CRCP: variants seen among roughly 807,000 people sequenced by gnomAD.
CRCP encodes DNA-directed RNA polymerase III subunit RPC9.
In CRCP, 18 loss-of-function variants were observed where a neutral mutation model predicts 18.5. That is an observed-to-expected ratio of 0.97 (90% CI 0.67 to 1.44). The LOEUF (loss-of-function observed/expected upper bound fraction) is 1.44. Ranked by LOEUF, CRCP falls within the 40% of genes most tolerant of loss-of-function variation. The pLI, the probability that CRCP is intolerant of heterozygous loss-of-function variation, is 0.00. For missense variants in CRCP, 130 were observed against 176.4 expected, an observed-to-expected ratio of 0.74 and a Z score of 1.49; for synonymous variants, 53 against 62.9, an observed-to-expected ratio of 0.84 and a Z score of 0.75.
In CRCP at chr7:66,152,246, G is replaced by T; in HGVS notation, c.336G>T (p.Gln112His). 3 of 1,614,152 alleles carry T rather than the reference G, an allele frequency of 1.9e-6. No individual in the cohort carries two copies. The highest frequency in any genetic ancestry group is 2.5e-6 in the Non-Finnish European group (3 of 1,180,038). The change falls in exon 6 of 6, where the codon CAG becomes CAT. Residue 112 changes from glutamine to histidine, a missense_variant. Physicochemically the swap from Gln to His is conservative, Grantham distance 24. Transcript: ENST00000395326. ...EESEERLTEE[Q>H]IEALLHTVTS... Reference sequence around the variant, plus strand: ...GTGAAGAGCGGCTCACGGAGGAGCAGATTGAAGCTCTTCTCCACACCGTCA... The same window carrying T: ...GTGAAGAGCGGCTCACGGAGGAGCATATTGAAGCTCTTCTCCACACCGTCA...
In CRCP at chr7:66,152,188, G is replaced by T; in HGVS notation, c.298-20G>T. On this transcript the variant is annotated intron_variant, in intron 5 of 5. Transcript: ENST00000395326. ...GTAAGTTTCATTTGTAACCCTGGAG[G>T]ATTTTCTTTCCTTCTGCAGATGGTG... 1 of 1,613,726 alleles carries T rather than the reference G, an allele frequency of 6.2e-7. No homozygotes were observed. The highest frequency in any genetic ancestry group is 1.1e-5 in the South Asian group (1 of 91,050).
At position 66,154,536 on chromosome 7, in the gene CRCP, T is replaced by C. The variant is rs1187401873; in HGVS notation, c.*2179T>C. 1 of 151,864 alleles carries C rather than the reference T, an allele frequency of 6.6e-6. No homozygotes were observed. The highest frequency in any genetic ancestry group is 1.5e-5 in the Non-Finnish European group (1 of 67,996). The allele number at this position is 151,864 out of a possible 1,614,324, so 9.4% of individuals were successfully genotyped here. On this transcript the variant is annotated 3_prime_UTR_variant, in exon 6 of 6. Transcript: ENST00000395326. ...TCTGAAGAGTTAATATTGTCATCGATACAAATAAAGTGAAATCTGACTGAG... is the reference window on the plus strand; with the variant it reads ...TCTGAAGAGTTAATATTGTCATCGACACAAATAAAGTGAAATCTGACTGAG...
intron 5 of CRCP, among the ~76,000 whole-genome samples, chr7:66,151,260 T>C (rs879464991): frequency 1.1e-4 from 17 of 152,158 alleles, no homozygotes; most frequent in Admixed American, 1.1e-3. Flanking sequence ...ACCGTGTTGC[T>C]GATACAGTTC....
At chr7:66,127,075 A>C (rs548123386) in intron 1 of CRCP, among the ~76,000 whole-genome samples, 8 of 152,336 alleles carry the variant, frequency 5.3e-5, no homozygotes, top group African/African-American at 1.9e-4. Flanking sequence ...CATGAACCCA[A>C]ATCTGATTTC....
intron 5 of CRCP, among the ~76,000 whole-genome samples, chr7:66,151,751 T>TC (rs1788479694): frequency 9.7e-6 from 1 of 102,566 alleles, no homozygotes; most frequent in Non-Finnish European, 1.9e-5. Context: ...TTTTTTCTTT[T>TC]CTTTTTTTTT....
chr7:66,146,261 C>T (rs1023866953), intron 5 of CRCP, among the ~76,000 whole-genome samples: 1 of 151,958 alleles, frequency 6.6e-6, no homozygotes, highest in Non-Finnish European at 1.5e-5. Flanking sequence ...GTACTGAGAG[C>T]GTAGGCTTTG....
Position 66,152,304 on chromosome 7 carries a change from C to CAGA in CRCP, c.402_404dup (p.Lys134dup). ...TCTGCCTGCAGAGCCAGAGGCTGAGCAGAAGAAGAATACAAACAGCAATGT... is the reference window on the plus strand; with the variant it reads ...TCTGCCTGCAGAGCCAGAGGCTGAGCAGAAGAAGAAGAATACAAACAGCAATGT... On this transcript the variant is annotated inframe_insertion, in exon 6 of 6. Transcript: ENST00000395326. 1 of 1,614,100 alleles carries CAGA rather than the reference C, an allele frequency of 6.2e-7. No homozygotes were observed. The highest frequency in any genetic ancestry group is 8.5e-7 in the Non-Finnish European group (1 of 1,180,024).
Position 66,125,491 on chromosome 7 carries a change from T to G in CRCP, c.9-2213T>G, listed in dbSNP as rs144675800. Among the ~76,000 whole-genome samples the G allele has an allele frequency of 1.6e-3, 242 of 149,624 alleles. 4 individuals carry two copies. Among genetic ancestry groups the G allele is most frequent in the African/African-American group, 5.6e-3 (232 of 41,422 alleles). On this transcript the variant is annotated intron_variant, in intron 1 of 5. Transcript: ENST00000395326. ...TTATCTTCCTGATAAAATCAATGAA[T>G]AAATCAGCTTCTGTCAGCCAGAGTC...
intron 3 of CRCP, among the ~76,000 whole-genome samples, chr7:66,132,844 G>A (rs1787849626): frequency 6.6e-6 from 1 of 152,030 alleles, no homozygotes; most frequent in South Asian, 2.1e-4. Context: ...CTGGGAGGTG[G>A]AGCTTGCAGT....
chr7:66,128,083 C>T (rs1011549702), intron 2 of CRCP, among the ~76,000 whole-genome samples: 1 of 148,682 alleles, frequency 6.7e-6, no homozygotes, highest in Non-Finnish European at 1.5e-5. Flanking sequence ...CCACTGCACT[C>T]CAGCCTGGGC....
intron 2 of CRCP, among the ~76,000 whole-genome samples, chr7:66,127,966 G>A (rs1293002572): frequency 6.6e-6 from 1 of 152,006 alleles, no homozygotes; most frequent in South Asian, 2.1e-4. Flanking sequence ...ACAAAAATTA[G>A]CTGGGTGTGG....
chr7:66,143,984 C>T (rs1027894834), intron 4 of CRCP, among the ~76,000 whole-genome samples: 3 of 152,218 alleles, frequency 2.0e-5, no homozygotes, highest in Non-Finnish European at 4.4e-5. Context: ...TCCCCCAACA[C>T]ATGGCTGCAG....
chr7:66,119,604 G>A lies in CRCP; in HGVS notation c.8+4634G>A, dbSNP rs190547000. 168 of 152,310 alleles carry A rather than the reference G, an allele frequency of 1.1e-3. 1 individual carries two copies. The highest frequency in any genetic ancestry group is 3.8e-3 in the African/African-American group (159 of 41,568). The allele number at this position is 152,310 out of a possible 1,614,324, so 9.4% of individuals were successfully genotyped here. On this transcript the variant is annotated intron_variant, in intron 1 of 5. Coordinates refer to ENST00000395326, the MANE Select transcript of CRCP (RefSeq NM_014478.5). The stretch of plus-strand genomic sequence containing the variant: ...GAATTGGATTGGAGGGTACCCAGCT[G>A]GTGTTGGCTGCAGAATTGATTGCTT...
intron 4 of CRCP, among the ~76,000 whole-genome samples, chr7:66,139,457 G>T (rs1562769233): frequency 6.6e-6 from 1 of 152,108 alleles, no homozygotes; most frequent in Non-Finnish European, 1.5e-5. Flanking sequence ...GTCATCATGG[G>T]CTTGGCATCT....
intron 5 of CRCP, among the ~76,000 whole-genome samples, chr7:66,148,062 A>T (rs974137158): frequency 5.5e-5 from 8 of 144,398 alleles, no homozygotes; most frequent in East Asian, 2.0e-4. Flanking sequence ...CCTGTCTTTT[A>T]AAAAAAAAAA....
At chr7:66,125,425 G>A (rs1221852255) in intron 1 of CRCP, among the ~76,000 whole-genome samples, 1 of 149,214 alleles carries the variant, frequency 6.7e-6, no homozygotes, top group Admixed American at 6.7e-5. Flanking sequence ...TACATTGATT[G>A]GCATTTATTC....
intron 1 of CRCP, 55 bp downstream of exon 1, chr7:66,115,025 C>A: frequency 6.3e-6 from 10 of 1,581,932 alleles, no homozygotes; most frequent in Non-Finnish European, 8.6e-6. Context: ...GGTTTGACCG[C>A]TGAGAGCTGA....
Position 66,128,681 on chromosome 7 carries a change from A to C in CRCP, c.45+941A>C, listed in dbSNP as rs189840669. The C allele has an allele frequency of 3.3e-5, 5 of 152,302 alleles. No homozygotes were observed. The East Asian group carries it at 9.6e-4, about 29-fold the overall frequency. The allele number at this position is 152,302 out of a possible 1,614,324, so 9.4% of individuals were successfully genotyped here. ...GTTGACTCACCTTTCTGAATAGTAG[A>C]AATTAAGAAATGTAGAATTTTTTGG... On this transcript the variant is annotated intron_variant, in intron 2 of 5. Transcript: ENST00000395326.
At chr7:66,135,444 A>G (rs1787943647) in intron 4 of CRCP, among the ~76,000 whole-genome samples, 1 of 152,250 alleles carries the variant, frequency 6.6e-6, no homozygotes, top group South Asian at 2.1e-4. Flanking sequence ...TTGAAATATT[A>G]TATTAATCAA....
Sources: allele counts gnomAD v4.1 joint callset (sites outside exome capture counted in the v4.1 genomes callset), GRCh38; gene constraint gnomAD v4.1.1; transcripts MANE v1.5; gene names NCBI Gene and HGNC (gene_info 2026-07-23, HGNC 2026-07-21).